Variants in MYO3B observed in about 807,000 individuals in gnomAD.
MYO3B encodes myosin IIIB.
A neutral mutation model predicts 174.6 loss-of-function variants in MYO3B; 156 were observed. The observed-to-expected ratio is 0.89, with a 90% CI of 0.78 to 1.02. MYO3B has a LOEUF of 1.02. MYO3B is among the 50% of genes least tolerant of loss of function. The probability of loss-of-function intolerance (pLI) is 0.00; values close to 1 mark genes in which losing one functional copy is unlikely to be tolerated. For missense variants in MYO3B, 1,632 were observed against 1,639.4 expected (o/e 1.00, Z 0.08); for synonymous variants, 563 against 569.1 (o/e 0.99, Z 0.15).
chr2:170,651,061 G>T (rs1049781158), intron 32 of MYO3B, among the ~76,000 whole-genome samples: 4 of 152,082 alleles, frequency 2.6e-5, no homozygotes, highest in Admixed American at 2.6e-4. Context: ...ATGTAATCGT[G>T]CAATCATCCT....
intron 7 of MYO3B, among the ~76,000 whole-genome samples, chr2:170,333,352 T>TG (rs1237896743): frequency 1.3e-5 from 2 of 151,916 alleles, no homozygotes; most frequent in Non-Finnish European, 2.9e-5. Context: ...TTGAATGGAG[T>TG]GAATGAGATA....
chr2:170,322,571 C>T (rs77935751), intron 7 of MYO3B, among the ~76,000 whole-genome samples: 15 of 152,302 alleles, frequency 9.8e-5, no homozygotes, highest in East Asian at 5.8e-4. Context: ...GACGAATGTT[C>T]GGTAGTTACT....
chr2:170,405,789 G>T (rs554841816), intron 21 of MYO3B, among the ~76,000 whole-genome samples, 156 bp downstream of exon 21: 63 of 152,282 alleles, frequency 4.1e-4, no homozygotes, highest in African/African-American at 1.5e-3. Flanking sequence ...TCTCAGTGGT[G>T]CCACTCACAG....
At chr2:170,437,958 A>G (rs2094767808) in intron 22 of MYO3B, among the ~76,000 whole-genome samples, 1 of 139,972 alleles carries the variant, frequency 7.1e-6, no homozygotes, top group Non-Finnish European at 1.6e-5. Context: ...TATATATAAC[A>G]TGAAATCTCT....
chr2:170,570,937 A>G (rs2106277528), intron 32 of MYO3B, among the ~76,000 whole-genome samples: 1 of 152,300 alleles, frequency 6.6e-6, no homozygotes, highest in South Asian at 2.1e-4. Flanking sequence ...ATCTCTGTGA[A>G]ACGAATGAGG....
chr2:170,348,847 A>C (rs2094038531), intron 8 of MYO3B, among the ~76,000 whole-genome samples: 1 of 152,194 alleles, frequency 6.6e-6, no homozygotes, highest in African/African-American at 2.4e-5. Context: ...AATTTGGGGT[A>C]GTAGTTTTGT....
intron 28 of MYO3B, among the ~76,000 whole-genome samples, chr2:170,513,033 G>A (rs1688079879): frequency 6.6e-6 from 1 of 152,142 alleles, no homozygotes; most frequent in Non-Finnish European, 1.5e-5. Context: ...CCATATGTAT[G>A]ATAATGTTTG....
At chr2:170,208,293 C>G (rs1362113511) in intron 3 of MYO3B, among the ~76,000 whole-genome samples, 2 of 152,132 alleles carry the variant, frequency 1.3e-5, no homozygotes, top group African/African-American at 2.4e-5. Context: ...TAAGGTGAAG[C>G]TGTGGAATTG....
intron 6 of MYO3B, among the ~76,000 whole-genome samples, chr2:170,224,218 A>G (rs1191752490): frequency 1.3e-5 from 2 of 152,260 alleles, no homozygotes; most frequent in African/African-American, 4.8e-5. Flanking sequence ...TTTTCACAAC[A>G]GCTCTCAATA....
chr2:170,471,051 C>CT (rs548051129), intron 25 of MYO3B, among the ~76,000 whole-genome samples: 5,992 of 145,872 alleles, frequency 0.041, 192 homozygotes, highest in Non-Finnish European at 0.063. Flanking sequence ...GTTGTTTTCT[C>CT]TTTTTTTTTT....
chr2:170,230,365 T>TTTTTTTTTTTTTTTTTTTTTGGA (rs1559318980), intron 6 of MYO3B, among the ~76,000 whole-genome samples: 1 of 140,768 alleles, frequency 7.1e-6, no homozygotes, highest in African/African-American at 2.9e-5. Flanking sequence ...TTTTTTTTAG[T>TTTTTTTTTTTTTTTTTTTTTGGA]AGAGACGGGG....
At chr2:170,597,437 A>G (rs532755151) in intron 32 of MYO3B, among the ~76,000 whole-genome samples, 1 of 151,716 alleles carries the variant, frequency 6.6e-6, no homozygotes, top group African/African-American at 2.4e-5. Context: ...TCAGCCAACC[A>G]AGCAAGGAGC....
At chr2:170,198,544 G>T (rs1431080675) in intron 1 of MYO3B, among the ~76,000 whole-genome samples, 1 of 152,200 alleles carries the variant, frequency 6.6e-6, no homozygotes, top group Non-Finnish European at 1.5e-5. Context: ...CTACCATTCA[G>T]CAGTTCAGTA....
chr2:170,638,418 C>A (rs1315251467), intron 32 of MYO3B, among the ~76,000 whole-genome samples: 1 of 152,148 alleles, frequency 6.6e-6, no homozygotes, highest in African/African-American at 2.4e-5. Flanking sequence ...GAATGAAATT[C>A]TGGTGTATTT....
intron 8 of MYO3B, among the ~76,000 whole-genome samples, chr2:170,363,669 C>T (rs370211963): frequency 2.6e-5 from 4 of 152,258 alleles, no homozygotes; most frequent in African/African-American, 9.6e-5. Flanking sequence ...GCCAAGAAAG[C>T]ATGATGGAAG....
intron 13 of MYO3B, among the ~76,000 whole-genome samples, chr2:170,386,778 A>G (rs554986330): frequency 6.6e-6 from 1 of 152,368 alleles, no homozygotes; most frequent in South Asian, 2.1e-4. Context: ...TAAGGTTTAT[A>G]GACTATTACG....
At chr2:170,493,741 C>T (rs116768057) in intron 25 of MYO3B, among the ~76,000 whole-genome samples, 1 of 152,142 alleles carries the variant, frequency 6.6e-6, no homozygotes, top group Non-Finnish European at 1.5e-5. Flanking sequence ...CTCTCTGCCC[C>T]CAACCCCAAC....
At chr2:170,418,215 G>A (rs1423264072) in intron 22 of MYO3B, among the ~76,000 whole-genome samples, 2 of 152,186 alleles carry the variant, frequency 1.3e-5, no homozygotes, top group Non-Finnish European at 1.5e-5. Flanking sequence ...CCATGGCTGA[G>A]GGGCCTGTGT....
rs1457924677 is a variant in MYO3B, at chr2:170,651,632, A to C, written c.3738A>C (p.Ser1246=). 1 of 1,613,940 alleles carries C rather than the reference A, an allele frequency of 6.2e-7. No homozygotes were observed. Among genetic ancestry groups the C allele is most frequent in the Non-Finnish European group, 8.5e-7 (1 of 1,179,960 alleles). The change falls in exon 33 of 35, where the codon TCA becomes TCC. Residue 1246 remains serine (S), a synonymous_variant. Transcript: ENST00000408978. ...AAAGTTTTGCTCTTTTTTCAGGTTC[A>C]GAAAATGGTCTTGCACAGAAGCATC... is the stretch of plus-strand genomic sequence containing the variant. ...SLWGAPQKPG[S]ENGLAQKHRT...
Sources: allele counts gnomAD v4.1 joint callset (sites outside exome capture counted in the v4.1 genomes callset), GRCh38; gene constraint gnomAD v4.1.1; transcripts MANE v1.5; gene names NCBI Gene and HGNC (gene_info 2026-07-23, HGNC 2026-07-21).